Variants in PLA1A observed in about 807,000 individuals in gnomAD.
PLA1A encodes the protein phospholipase A1 member A, also known as phosphatidylserine-specific phospholipase A1alpha.
A neutral mutation model predicts 49.4 loss-of-function variants in PLA1A; 47 were observed. The observed-to-expected ratio is 0.95, with a 90% CI of 0.75 to 1.21. The LOEUF (loss-of-function observed/expected upper bound fraction) is 1.21. Among genes scored for constraint, PLA1A ranks in the 50% most tolerant of loss-of-function variants. The pLI, the probability that PLA1A is intolerant of heterozygous loss-of-function variation, is 0.00. For missense variants in PLA1A, 561 were observed against 563.9 expected, an observed-to-expected ratio of 0.99 and a Z score of 0.05; for synonymous variants, 224 against 207.9, an observed-to-expected ratio of 1.08 and a Z score of -0.67.
chr3:119,615,980 A>G, intron 5 of PLA1A, 32 bp from the exon 6 acceptor site: 1 of 1,431,958 alleles, frequency 7.0e-7, no homozygotes, highest in Middle Eastern at 1.8e-4. Context: ...CCCCTGAAGT[A>G]AGGAAGTTAA....
intron 10 of PLA1A, among the ~76,000 whole-genome samples, 186 bp downstream of exon 10, chr3:119,629,051 C>T (rs2052587633): frequency 6.6e-6 from 1 of 152,210 alleles, no homozygotes; most frequent in Non-Finnish European, 1.5e-5. Context: ...GGAAATTCCA[C>T]TGTATTTGTT....
chr3:119,608,719 A>G (rs1458481251), intron 2 of PLA1A, 51 bp from the exon 3 acceptor site: 1 of 1,373,752 alleles, frequency 7.3e-7, no homozygotes, highest in Admixed American at 1.8e-5. Flanking sequence ...CATGACAATG[A>G]ATATCCACTT....
chr3:119,613,096 A>G lies in PLA1A; in HGVS notation c.642A>G (p.Glu214=), dbSNP rs1318345332. 6.2e-7 allele frequency: 1 copy of G among 1,607,608 alleles called. No homozygotes were observed. The highest frequency in any genetic ancestry group is 8.5e-7 in the Non-Finnish European group (1 of 1,176,672). Residue 214 remains glutamate (E), a synonymous_variant, in exon 5 of 11, where the codon GAA becomes GAG. Transcript: ENST00000273371. ...RLDAGDALFV[E]AIHTDTDNLG... ...ATGCTGGAGATGCCCTCTTCGTGGA[A>G]GCCATCCACACAGACACCGACAGTG...
At chr3:119,609,941 C>T (rs2082743238) in intron 4 of PLA1A, among the ~76,000 whole-genome samples, 1 of 152,170 alleles carries the variant, frequency 6.6e-6, no homozygotes, top group South Asian at 2.1e-4. Context: ...GCAATCAGTA[C>T]TTGATAGGTA....
intron 4 of PLA1A, among the ~76,000 whole-genome samples, chr3:119,611,586 G>A (rs2082765086): frequency 6.6e-6 from 1 of 152,054 alleles, no homozygotes; most frequent in South Asian, 2.1e-4. Flanking sequence ...TTGGTTAGGT[G>A]TGTTCCTAGG....
intron 8 of PLA1A, among the ~76,000 whole-genome samples, chr3:119,620,741 C>A (rs1024009690): frequency 1.1e-4 from 17 of 152,230 alleles, no homozygotes; most frequent in Admixed American, 1.1e-3. Flanking sequence ...TATCTTCATG[C>A]CAGAGAAAAT....
chr3:119,604,944 T>C (rs943634194), intron 1 of PLA1A, among the ~76,000 whole-genome samples: 4 of 152,204 alleles, frequency 2.6e-5, no homozygotes, highest in Non-Finnish European at 4.4e-5. Flanking sequence ...ATTTAGATGA[T>C]ATTGATTCTT....
intron 8 of PLA1A, among the ~76,000 whole-genome samples, chr3:119,624,171 A>G (rs547862249): frequency 2.0e-5 from 3 of 152,248 alleles, no homozygotes; most frequent in East Asian, 3.9e-4. Flanking sequence ...CCGGCACTCC[A>G]TGTCTATAAG....
At position 119,618,143 on chromosome 3, in the gene PLA1A, T is replaced by C. The variant is rs774297705; in HGVS notation, c.879T>C (p.Cys293=). ...ASYKAFLAGR[C]LDCFNPFLLS... ...ACAAGGCCTTCCTTGCTGGACGCTG[T>C]CTGGATTGCTTTAACCCTTTTCTGC... The change falls in exon 7 of 11, where the codon TGT becomes TGC. Residue 293 remains cysteine, a synonymous_variant. Coordinates refer to ENST00000273371, the MANE Select transcript of PLA1A (RefSeq NM_015900.4). 6.2e-6 allele frequency: 10 copies of C among 1,614,022 alleles called. No homozygotes were observed. Among genetic ancestry groups the C allele is most frequent in the African/African-American group, 2.7e-5 (2 of 74,944 alleles).
rs2082883963 is a variant in PLA1A, at chr3:119,618,487, C to T, written c.922+301C>T. Among the ~76,000 whole-genome samples the T allele has an allele frequency of 4.6e-5, 7 of 152,182 alleles. No homozygotes were observed. The South Asian group carries it at 1.4e-3, about 32-fold the overall frequency. On this transcript the variant is annotated intron_variant, in intron 7 of 10. Coordinates refer to ENST00000273371, the MANE Select transcript of PLA1A (RefSeq NM_015900.4). ...GCCTATAGGTCTTTCTCACTTCTGG[C>T]CATTCTCCAGTTCTTCATAGACCCT...
intron 2 of PLA1A, among the ~76,000 whole-genome samples, chr3:119,607,901 G>A (rs1304906432): frequency 6.6e-6 from 1 of 152,110 alleles, no homozygotes; most frequent in East Asian, 1.9e-4. Context: ...CTGTCCACAC[G>A]AGTGTGCTCT....
rs1172349744 is a variant in PLA1A, at chr3:119,609,470, G to C, written c.456G>C (p.Val152=). The C allele has an allele frequency of 1.2e-6, 2 of 1,600,160 alleles. No homozygotes were observed. Among genetic ancestry groups the C allele is most frequent in the African/African-American group, 2.7e-5 (2 of 74,716 alleles). ...ACTCACTGTTCCTGCTCTTCTAGGT[G>C]CTGGGTGTGTCGGAATCCTCAATCC... ...EISLFLNKLL[V]LGVSESSIHI... The change falls in exon 4 of 11, where the codon GTG becomes GTC. Residue 152 remains valine, a splice_region_variant and synonymous_variant. Transcript: ENST00000273371.
At chr3:119,622,146 GGAGGAAGAAGAA>G (rs1350622421) in intron 8 of PLA1A, among the ~76,000 whole-genome samples, 14 of 120,860 alleles carry the variant, frequency 1.2e-4, no homozygotes, top group African/African-American at 2.8e-4. Context: ...AGGAGGAGGA[GGAGGAAGAAGAA>G]GAAGAAGAAG....
chr3:119,608,234 A>AAG (rs1491033019), intron 2 of PLA1A, among the ~76,000 whole-genome samples: 1 of 115,344 alleles, frequency 8.7e-6, no homozygotes, highest in Admixed American at 8.9e-5. Flanking sequence ...AAGAGAGAGA[A>AAG]AGAAAGAGAG....
rs371542646 is a variant in PLA1A, at chr3:119,599,973, C to A, written c.73+1987C>A. 7.4e-3 allele frequency among the ~76,000 whole-genome samples: 1,101 copies of A among 149,264 alleles called. 14 individuals carry two copies. The highest frequency in any genetic ancestry group is 0.025 in the African/African-American group (1,026 of 40,860). ...ATAGGCAGAGATAGAAGTGTGTGTG[C>A]GTGTGTGTGTGTGTGTGGCTGGGAG... On this transcript the variant is annotated intron_variant, in intron 1 of 10. Coordinates refer to ENST00000273371, the MANE Select transcript of PLA1A (RefSeq NM_015900.4).
At chr3:119,607,033 AC>A in intron 2 of PLA1A, 58 bp downstream of exon 2, 5 of 1,388,064 alleles carry the variant, frequency 3.6e-6, no homozygotes, top group Non-Finnish European at 5.1e-6. Context: ...TAACCATAAT[AC>A]CATAAGAAGT....
Position 119,606,930 on chromosome 3 carries a change from G to C in PLA1A, c.230G>C (p.Gly77Ala). The C allele has an allele frequency of 3.1e-6, 5 of 1,614,118 alleles. No homozygotes were observed. Among genetic ancestry groups the C allele is most frequent in the Non-Finnish European group, 4.2e-6 (5 of 1,180,020 alleles). The change falls in exon 2 of 11, where the codon GGG becomes GCG. Residue 77 changes from glycine to alanine, a missense_variant. Transcript: ENST00000273371. ...VEGSSDLQNS[G>A]FNATLGTKLI... ...GGAAGCAGTGACCTCCAAAACTCTGGGTTCAATGCCACTCTGGGAACCAAA... is the reference window on the plus strand; with the variant it reads ...GGAAGCAGTGACCTCCAAAACTCTGCGTTCAATGCCACTCTGGGAACCAAA...
chr3:119,629,561 C>T lies in PLA1A; in HGVS notation c.*93C>T, dbSNP rs191847692. The T allele has an allele frequency of 1.7e-4, 125 of 731,394 alleles. 1 individual carries two copies. In the East Asian group the frequency reaches 2.7e-3, roughly 16 times the overall value. 45.3% of individuals were successfully genotyped at this position (731,394 alleles called of 1,614,324 possible). ...ATGTGTGTGTGCAGCTTATTGTAGA[C>T]CATTACTACTAAGGAGAAAAGCAAA... On this transcript the variant is annotated 3_prime_UTR_variant, in exon 11 of 11. Transcript: ENST00000273371.
intron 1 of PLA1A, among the ~76,000 whole-genome samples, chr3:119,603,545 C>A (rs144024729): frequency 1.3e-5 from 2 of 152,208 alleles, no homozygotes; most frequent in Non-Finnish European, 2.9e-5. Flanking sequence ...CTGTGGTATT[C>A]TTTTCTGAGT....
Sources: allele counts gnomAD v4.1 joint callset (sites outside exome capture counted in the v4.1 genomes callset), GRCh38; gene constraint gnomAD v4.1.1; transcripts MANE v1.5; gene names NCBI Gene and HGNC (gene_info 2026-07-23, HGNC 2026-07-21).